CACNA1D: variants seen among roughly 807,000 people sequenced by gnomAD.
CACNA1D encodes voltage-dependent L-type calcium channel subunit alpha-1D.
Under a neutral mutation model 257.1 loss-of-function variants are expected in CACNA1D, and 55 were observed. The ratio of observed to expected loss-of-function variants is 0.21; its 90% CI spans 0.17 to 0.27. The LOEUF is 0.27. Among genes scored for constraint, CACNA1D ranks in the 10% least tolerant of loss-of-function variants. The pLI, the probability that CACNA1D is intolerant of heterozygous loss-of-function variation, is 1.00. For synonymous variants in CACNA1D, 980 were observed against 1,014.9 expected, an observed-to-expected ratio of 0.97 and a Z score of 0.65; for missense variants, 1,876 against 2,784.0, an observed-to-expected ratio of 0.67 and a Z score of 7.34.
chr3:53,759,481 C>T (rs930978910), intron 29 of CACNA1D, among the ~76,000 whole-genome samples: 2 of 152,222 alleles, frequency 1.3e-5, no homozygotes, highest in Non-Finnish European at 2.9e-5. Flanking sequence ...GGGGCACGCA[C>T]CACAGCAGGT....
intron 3 of CACNA1D, among the ~76,000 whole-genome samples, chr3:53,605,924 T>TCACA (rs1336895115): frequency 6.6e-6 from 1 of 152,180 alleles, no homozygotes; most frequent in Non-Finnish European, 1.5e-5. Context: ...TCCTGAAGTG[T>TCACA]CTGCCCTCTC....
At chr3:53,654,305 C>T (rs1402224686) in intron 4 of CACNA1D, among the ~76,000 whole-genome samples, 1 of 152,078 alleles carries the variant, frequency 6.6e-6, no homozygotes, top group African/African-American at 2.4e-5. Context: ...ATATTTCTCC[C>T]CTCGTTTAAA....
intron 29 of CACNA1D, among the ~76,000 whole-genome samples, chr3:53,760,290 G>A (rs1428127533): frequency 1.3e-5 from 2 of 152,156 alleles, no homozygotes; most frequent in Non-Finnish European, 2.9e-5. Flanking sequence ...CAGTCAGTAC[G>A]TCCACATCTT....
Position 53,548,361 on chromosome 3 carries a change from T to C in CACNA1D, c.483+46641T>C, listed in dbSNP as rs887739707. ...ATTGTAAGCAACAAAGCTTTTTTTTTTTTTTTTTTTAAAAATTATCTTTAA... is the reference window on the plus strand; with the variant it reads ...ATTGTAAGCAACAAAGCTTTTTTTTCTTTTTTTTTTAAAAATTATCTTTAA... On this transcript the variant is annotated intron_variant, in intron 3 of 47. Transcript: ENST00000350061. Among the ~76,000 whole-genome samples, 4 of 138,884 alleles carry C rather than the reference T, an allele frequency of 2.9e-5. No individual in the cohort carries two copies. In the East Asian group the frequency reaches 8.7e-4, roughly 30 times the overall value. 91.1% of individuals were successfully genotyped at this position (138,884 alleles called of 152,430 possible). A position where few individuals can be genotyped will look rare whatever the true frequency, so the allele number is the denominator to read the frequency against.
intron 39 of CACNA1D, among the ~76,000 whole-genome samples, chr3:53,785,103 A>G (rs1340065993): frequency 6.6e-6 from 1 of 152,164 alleles, no homozygotes; most frequent in Non-Finnish European, 1.5e-5. Flanking sequence ...GGCTGGCTAG[A>G]GCCAGAGCTG....
intron 29 of CACNA1D, among the ~76,000 whole-genome samples, chr3:53,754,667 G>A (rs2095251284): frequency 2.0e-5 from 3 of 152,160 alleles, no homozygotes; most frequent in African/African-American, 7.2e-5. Flanking sequence ...GCCACACCAA[G>A]CTGAAATGTG....
chr3:53,702,960 G>C, intron 9 of CACNA1D, 150 bp downstream of exon 9: 1 of 827,870 alleles, frequency 1.2e-6, no homozygotes, highest in South Asian at 1.5e-5. Flanking sequence ...ACATCACGGA[G>C]AGAACAGGTG....
chr3:53,582,239 C>G (rs2093144551), intron 3 of CACNA1D, among the ~76,000 whole-genome samples: 1 of 152,088 alleles, frequency 6.6e-6, no homozygotes, highest in African/African-American at 2.4e-5. Flanking sequence ...TGTTCATTCC[C>G]CAGCAAACAT....
At chr3:53,730,228 C>A (rs540175027) in intron 15 of CACNA1D, among the ~76,000 whole-genome samples, 10 of 151,538 alleles carry the variant, frequency 6.6e-5, no homozygotes, top group African/African-American at 1.2e-4. Context: ...TGTAGACTGT[C>A]CTTTTACAGG....
chr3:53,775,131 G>T (rs1461893012), intron 34 of CACNA1D, among the ~76,000 whole-genome samples: 1 of 152,162 alleles, frequency 6.6e-6, no homozygotes, highest in Non-Finnish European at 1.5e-5. Flanking sequence ...TGTAAAACAA[G>T]CTGCCCTCAT....
rs189674501 is a variant in CACNA1D at position 53,566,063 on chromosome 3, G to T, written c.483+64343G>T. ...TCTACATCTTAGCCTTTTCCAATCTGGGTGGCCAAAGTGAAGAATGATTAG... is the reference window on the plus strand; with the variant it reads ...TCTACATCTTAGCCTTTTCCAATCTTGGTGGCCAAAGTGAAGAATGATTAG... On this transcript the variant is annotated intron_variant, in intron 3 of 47. Coordinates refer to ENST00000350061, the MANE Select transcript of CACNA1D (RefSeq NM_001128840.3). 1.2e-3 allele frequency among the ~76,000 whole-genome samples: 190 copies of T among 152,286 alleles called. 2 individuals carry two copies. The highest frequency in any genetic ancestry group is 6.8e-3 in the Middle Eastern group (2 of 294).
At chr3:53,582,368 C>T (rs541562960) in intron 3 of CACNA1D, among the ~76,000 whole-genome samples, 106 of 152,192 alleles carry the variant, frequency 7.0e-4, no homozygotes, top group African/African-American at 2.3e-3. Context: ...AATTATAGCT[C>T]AGTTTATAAA....
chr3:53,602,964 C>T (rs2093463409), intron 3 of CACNA1D, among the ~76,000 whole-genome samples: 1 of 152,212 alleles, frequency 6.6e-6, no homozygotes, highest in Admixed American at 6.5e-5. Flanking sequence ...AGCTATTTCT[C>T]TCCAGCGGAC....
At chr3:53,582,475 A>G (rs1475999315) in intron 3 of CACNA1D, among the ~76,000 whole-genome samples, 1 of 152,134 alleles carries the variant, frequency 6.6e-6, no homozygotes, top group Non-Finnish European at 1.5e-5. Flanking sequence ...GGAGCTGGGC[A>G]GGCAGGGATT....
chr3:53,619,121 A>G (rs187349742), intron 3 of CACNA1D, among the ~76,000 whole-genome samples: 2 of 152,270 alleles, frequency 1.3e-5, no homozygotes, highest in Non-Finnish European at 2.9e-5. Context: ...TTGGGCAGAA[A>G]CCACACCAAT....
intron 27 of CACNA1D, 69 bp downstream of exon 27, chr3:53,749,538 T>C: frequency 9.0e-7 from 1 of 1,111,166 alleles, no homozygotes; most frequent in South Asian, 1.2e-5. Context: ...TATTGACTGA[T>C]TTCCCCCATA....
At chr3:53,716,275 A>G (rs2094817202) in intron 9 of CACNA1D, among the ~76,000 whole-genome samples, 1 of 152,260 alleles carries the variant, frequency 6.6e-6, no homozygotes, top group Non-Finnish European at 1.5e-5. Context: ...GGAGACTCAG[A>G]AAACAGGACC....
intron 28 of CACNA1D, among the ~76,000 whole-genome samples, chr3:53,752,813 A>C (rs184358570): frequency 3.2e-4 from 49 of 152,346 alleles, no homozygotes; most frequent in African/African-American, 1.1e-3. Context: ...GGAATTTTCC[A>C]GTTGATGAAG....
chr3:53,786,735 CTGCCCCTG>C (rs2109108717), intron 39 of CACNA1D, 79 bp from the exon 40 acceptor site: 10 of 983,476 alleles, frequency 1.0e-5, no homozygotes, highest in African/African-American at 1.6e-5. Flanking sequence ...CACTCTGCCC[CTGCCCCTG>C]CCCCAGCCAG....
Sources: allele counts gnomAD v4.1 joint callset (sites outside exome capture counted in the v4.1 genomes callset), GRCh38; gene constraint gnomAD v4.1.1; transcripts MANE v1.5; gene names NCBI Gene and HGNC (gene_info 2026-07-23, HGNC 2026-07-21).